KLF2: variants seen among roughly 807,000 people sequenced by gnomAD.
KLF2 encodes the protein Krueppel-like factor 2.
A neutral mutation model predicts 22.2 loss-of-function variants in KLF2; 9 were observed. The ratio of observed to expected loss-of-function variants is 0.40; its 90% CI spans 0.24 to 0.71. The LOEUF (loss-of-function observed/expected upper bound fraction) is 0.71. Ranked by LOEUF, KLF2 falls within the 30% of genes least tolerant of loss-of-function variation. The pLI, the probability that KLF2 is intolerant of heterozygous loss-of-function variation, is 0.35. For synonymous variants in KLF2, 299 were observed against 264.2 expected (o/e 1.13, Z -1.28); for missense variants, 481 against 542.1 (o/e 0.89, Z 1.12).
At chr19:16,326,225 A>G (rs1319487729) in intron 2 of KLF2, among the ~76,000 whole-genome samples, 193 bp downstream of exon 2, 2 of 130,966 alleles carry the variant, frequency 1.5e-5, no homozygotes, top group African/African-American at 5.9e-5. Flanking sequence ...ACACAGGAAC[A>G]CTCCCTAAGG....
At chr19:16,326,675 G>T (rs2091891159) in intron 2 of KLF2, among the ~76,000 whole-genome samples, 181 bp from the exon 3 acceptor site, 1 of 152,060 alleles carries the variant, frequency 6.6e-6, no homozygotes, top group Non-Finnish European at 1.5e-5. Flanking sequence ...GACCCCCTGG[G>T]GGTGAGGATC....
chr19:16,325,960 TGCAGCTAC>T lies in KLF2; in HGVS notation c.823_830del (p.Ser275GlyfsTer22), dbSNP rs2145196838. 1 of 1,547,156 alleles carries T rather than the reference TGCAGCTAC, an allele frequency of 6.5e-7. No homozygotes were observed. Among genetic ancestry groups the T allele is most frequent in the African/African-American group, 1.4e-5 (1 of 72,522 alleles). Reference sequence around the variant, plus strand: ...CCGCAAACGCACCGCCACTCACACCTGCAGCTACGCGGGCTGCGGCAAGACCTACACCA... The same window carrying T: ...CCGCAAACGCACCGCCACTCACACCTGCGGGCTGCGGCAAGACCTACACCA... On this transcript the variant is annotated frameshift_variant, in exon 2 of 3. Transcript: ENST00000248071. LOFTEE classifies it high-confidence loss of function.
Position 16,327,171 on chromosome 19 carries a change from A to T in KLF2, c.*140A>T. The T allele has an allele frequency of 1.2e-6, 1 of 818,796 alleles. No homozygotes were observed. The allele number at this position is 818,796 out of a possible 1,614,324, so 50.7% of individuals were successfully genotyped here. A position where few individuals can be genotyped will look rare whatever the true frequency, so the allele number is the denominator to read the frequency against. On this transcript the variant is annotated 3_prime_UTR_variant, in exon 3 of 3. Coordinates refer to ENST00000248071, the MANE Select transcript of KLF2 (RefSeq NM_016270.4). ...GCGTGGCTACAGAGGGTCTCCCTCGATGACGACGACGACGACGCCACCACC... is the reference window on the plus strand; with the variant it reads ...GCGTGGCTACAGAGGGTCTCCCTCGTTGACGACGACGACGACGCCACCACC...
intron 2 of KLF2, among the ~76,000 whole-genome samples, chr19:16,326,635 A>G (rs1297676869): frequency 6.6e-6 from 1 of 151,858 alleles, no homozygotes; most frequent in East Asian, 1.9e-4. Flanking sequence ...CGTGGCTGAC[A>G]ACAGTGGGGA....
Position 16,325,763 on chromosome 19 carries a change from G to C in KLF2, c.623G>C (p.Gly208Ala). Reference sequence around the variant, plus strand: ...CCTGGTTTCGGCGCGCCCGGGCCCGGCCTGCATTACGCGCCGCCTGCGCCC... The same window carrying C: ...CCTGGTTTCGGCGCGCCCGGGCCCGCCCTGCATTACGCGCCGCCTGCGCCC... The part of the protein sequence containing the change: ...GGPGFGAPGP[G>A]LHYAPPAPPA... The change falls in exon 2 of 3, where the codon GGC (glycine) becomes GCC (alanine). Residue 208 changes from glycine to alanine, a missense_variant. Gly to Ala is a moderately conservative substitution (Grantham distance 60). Coordinates refer to ENST00000248071, the MANE Select transcript of KLF2 (RefSeq NM_016270.4). 7 of 1,271,168 alleles carry C rather than the reference G, an allele frequency of 5.5e-6. No homozygotes were observed. Among genetic ancestry groups the C allele is most frequent in the Non-Finnish European group, 6.9e-6 (7 of 1,013,590 alleles). The allele number at this position is 1,271,168 out of a possible 1,614,324, so 78.7% of individuals were successfully genotyped here.
At chr19:16,325,023 C>CG (rs2091883706) in intron 1 of KLF2, 25 bp downstream of exon 1, 1 of 1,542,620 alleles carries the variant, frequency 6.5e-7, no homozygotes. Context: ...GACGGCGGGG[C>CG]GGCCGGGACC....
At chr19:16,326,148 G>A (rs1279975703) in intron 2 of KLF2, 116 bp downstream of exon 2, 7 of 1,041,594 alleles carry the variant, frequency 6.7e-6, no homozygotes, top group Non-Finnish European at 9.4e-6. Context: ...GGCTCAGGGG[G>A]ATCTGGCAGG....
chr19:16,327,446 G>C lies in KLF2; in HGVS notation c.*415G>C. The stretch of plus-strand genomic sequence containing the variant: ...TTACTGTACATAGAGAGACAGGTGG[G>C]CATTTTTGGGCTACCTGGTTCGTTT... On this transcript the variant is annotated 3_prime_UTR_variant, in exon 3 of 3. Transcript: ENST00000248071. 6.4e-6 allele frequency: 1 copy of C among 156,758 alleles called. No homozygotes were observed. The highest frequency in any genetic ancestry group is 1.4e-5 in the Non-Finnish European group (1 of 71,168). The allele number at this position is 156,758 out of a possible 1,614,324, so 9.7% of individuals were successfully genotyped here.
Position 16,325,978 on chromosome 19 carries a change from G to A in KLF2, c.838G>A (p.Gly280Ser), listed in dbSNP as rs1189974321. The A allele has an allele frequency of 4.5e-6, 7 of 1,551,448 alleles. No individual in the cohort carries two copies. The highest frequency in any genetic ancestry group is 2.8e-5 in the African/African-American group (2 of 72,608). Residue 280 changes from glycine (G) to serine (S), a missense_variant, in exon 2 of 3, where the codon GGC becomes AGC. Physicochemically the swap from Gly to Ser is moderately conservative, Grantham distance 56. Coordinates refer to ENST00000248071, the MANE Select transcript of KLF2 (RefSeq NM_016270.4). ...ATHTCSYAGC[G>S]KTYTKSSHLK... ...TCACACCTGCAGCTACGCGGGCTGC[G>A]GCAAGACCTACACCAAGAGTTCGCA... is the stretch of plus-strand genomic sequence containing the variant.
At chr19:16,326,270 A>C (rs2091889947) in intron 2 of KLF2, among the ~76,000 whole-genome samples, 1 of 141,022 alleles carries the variant, frequency 7.1e-6, no homozygotes, top group South Asian at 2.4e-4. Context: ...GGGGGCTTGC[A>C]CGCTTAGGAC....
intron 2 of KLF2, among the ~76,000 whole-genome samples, chr19:16,326,424 A>T (rs7258799): frequency 0.12 from 18,620 of 151,894 alleles, 1,258 homozygotes; most frequent in Middle Eastern, 0.18. Context: ...GCTGAGGCTC[A>T]GGTAGTTGGG....
chr19:16,324,855 G>A lies in KLF2; in HGVS notation c.-69G>A. 4.5e-6 allele frequency: 6 copies of A among 1,328,458 alleles called. No homozygotes were observed. Among genetic ancestry groups the A allele is most frequent in the Non-Finnish European group, 6.2e-6 (6 of 970,196 alleles). The allele number at this position is 1,328,458 out of a possible 1,614,324, so 82.3% of individuals were successfully genotyped here. A position where few individuals can be genotyped will look rare whatever the true frequency, so the allele number is the denominator to read the frequency against. ...AGCCGTCCCCGCCCGCCCGCGCCCCGACCAGCCCGGCCTCGGGCAGCCACT... is the reference window on the plus strand; with the variant it reads ...AGCCGTCCCCGCCCGCCCGCGCCCCAACCAGCCCGGCCTCGGGCAGCCACT... On this transcript the variant is annotated 5_prime_UTR_variant, in exon 1 of 3. Transcript: ENST00000248071.
Position 16,325,005 on chromosome 19 carries a change from GCGGCGGGGA to G in KLF2, c.75+16_75+24del. 1 of 1,580,826 alleles carries G rather than the reference GCGGCGGGGA, an allele frequency of 6.3e-7. No homozygotes were observed. Among genetic ancestry groups the G allele is most frequent in the South Asian group, 1.1e-5 (1 of 87,386 alleles). On this transcript the variant is annotated splice_region_variant and intron_variant, in intron 1 of 2. Transcript: ENST00000248071. ...CGAGCGCGGCCTGCAGGAGGTGAGG[GCGGCGGGGA>G]CGGCGGGGCGGCCGGGACCGTGGGC...
intron 2 of KLF2, 36 bp downstream of exon 2, chr19:16,326,068 G>C (rs570470637): frequency 1.4e-5 from 21 of 1,522,836 alleles, no homozygotes; most frequent in Non-Finnish European, 1.8e-5. Flanking sequence ...CGCAGGCGGG[G>C]GGACGCGGGA....
Position 16,325,228 on chromosome 19 carries a change from G to A in KLF2, c.88G>A (p.Ala30Thr). Residue 30 changes from alanine to threonine, a missense_variant, in exon 2 of 3, where the codon GCC becomes ACC. Around this residue, in one of 2 missense-constraint regions of KLF2, gnomAD observed 421 missense variants for 435.1 expected, o/e 0.97. Transcript: ENST00000248071. ...ERGLQERWPR[A>T]EPESGGTDDD... The stretch of plus-strand genomic sequence containing the variant: ...CTGTCGCCCGCAGCGCTGGCCGCGC[G>A]CCGAACCCGAGTCCGGCGGCACCGA... The A allele has an allele frequency of 1.3e-6, 2 of 1,530,422 alleles. No homozygotes were observed. Among genetic ancestry groups the A allele is most frequent in the Non-Finnish European group, 1.7e-6 (2 of 1,143,730 alleles). 94.8% of individuals were successfully genotyped at this position (1,530,422 alleles called of 1,614,324 possible). A position where few individuals can be genotyped will look rare whatever the true frequency, so the allele number is the denominator to read the frequency against.
In KLF2 at chr19:16,325,489, C is replaced by A; in HGVS notation, c.349C>A (p.Pro117Thr). ...ALHGRFLLAP[P>T]GRLVKAEPPE... ...GCACGGCCGCTTTCTGCTGGCGCCG[C>A]CCGGCCGCCTGGTCAAGGCCGAGCC... The change falls in exon 2 of 3, where the codon CCC becomes ACC. Residue 117 changes from proline (P) to threonine (T), a missense_variant. Physicochemically the swap from Pro to Thr is conservative, Grantham distance 38. Coordinates refer to ENST00000248071, the MANE Select transcript of KLF2 (RefSeq NM_016270.4). The A allele has an allele frequency of 1.5e-6, 2 of 1,356,382 alleles. No homozygotes were observed. Among genetic ancestry groups the A allele is most frequent in the Non-Finnish European group, 1.9e-6 (2 of 1,058,900 alleles). The allele number at this position is 1,356,382 out of a possible 1,614,324, so 84.0% of individuals were successfully genotyped here.
At position 16,327,939 on chromosome 19, in the gene KLF2, G is replaced by A. The variant is rs2145198565; in HGVS notation, c.*908G>A. 6.6e-6 allele frequency: 1 copy of A among 152,058 alleles called. No homozygotes were observed. Among genetic ancestry groups the A allele is most frequent in the South Asian group, 2.1e-4 (1 of 4,820 alleles). 9.4% of individuals were successfully genotyped at this position (152,058 alleles called of 1,614,324 possible). The stretch of plus-strand genomic sequence containing the variant: ...TATATTTTTATTTTTATTTTTAAAG[G>A]GGGTTAACCTGCTGAGTTTCTGGCA... On this transcript the variant is annotated 3_prime_UTR_variant, in exon 3 of 3. Coordinates refer to ENST00000248071, the MANE Select transcript of KLF2 (RefSeq NM_016270.4).
Position 16,325,275 on chromosome 19 carries a change from G to A in KLF2, c.135G>A (p.Leu45=). Residue 45 remains leucine, a synonymous_variant, in exon 2 of 3, where the codon CTG becomes CTA. Coordinates refer to ENST00000248071, the MANE Select transcript of KLF2 (RefSeq NM_016270.4). Reference sequence around the variant, plus strand: ...CCGACGACGACCTCAACAGCGTGCTGGACTTCATCCTGTCCATGGGGCTGG... The same window carrying A: ...CCGACGACGACCTCAACAGCGTGCTAGACTTCATCCTGTCCATGGGGCTGG... ...GGTDDDLNSV[L]DFILSMGLDG... 4 of 1,542,424 alleles carry A rather than the reference G, an allele frequency of 2.6e-6. No individual in the cohort carries two copies. The highest frequency in any genetic ancestry group is 2.6e-6 in the Non-Finnish European group (3 of 1,149,250).
chr19:16,326,118 T>G, intron 2 of KLF2, 86 bp downstream of exon 2: 9 of 1,298,728 alleles, frequency 6.9e-6, no homozygotes, highest in Non-Finnish European at 9.4e-6. Flanking sequence ...AAAATGAATT[T>G]AGGACCTCCC....
Sources: allele counts gnomAD v4.1 joint callset (sites outside exome capture counted in the v4.1 genomes callset), GRCh38; gene constraint gnomAD v4.1.1; regional missense constraint gnomAD v4.1.1; transcripts MANE v1.5; gene names NCBI Gene and HGNC (gene_info 2026-07-23, HGNC 2026-07-21).